Variants in DNAAF2 observed in about 807,000 individuals in gnomAD.
DNAAF2 encodes protein kintoun.
In DNAAF2, 58 loss-of-function variants were observed where a neutral mutation model predicts 48.8. The ratio of observed to expected loss-of-function variants is 1.19; its 90% CI spans 0.96 to 1.48. The LOEUF is 1.48. Ranked by LOEUF, DNAAF2 falls within the 40% of genes most tolerant of loss-of-function variation. The pLI is 0.00. For missense variants in DNAAF2, 1,241 were observed against 1,116.1 expected, an observed-to-expected ratio of 1.11 and a Z score of -1.59; for synonymous variants, 567 against 481.2, an observed-to-expected ratio of 1.18 and a Z score of -2.33.
Position 49,625,865 on chromosome 14 carries a change from C to G in DNAAF2, c.2191G>C (p.Glu731Gln), listed in dbSNP as rs777882844. The change falls in exon 3 of 3, where the codon GAG becomes CAG. Residue 731 changes from glutamate to glutamine, a missense_variant. Physicochemically the swap from Glu to Gln is conservative, Grantham distance 29. Transcript: ENST00000298292. ...SFGLVTCFQQ[E>Q]SLDVSQMILG... Reference sequence around the variant, plus strand: ...ATCATTTGAGAAACATCAAGAGACTCTTGTTGAAAGCATGTAACTAAACCA... The same window carrying G: ...ATCATTTGAGAAACATCAAGAGACTGTTGTTGAAAGCATGTAACTAAACCA... The G allele has an allele frequency of 2.5e-5, 41 of 1,612,258 alleles. No individual in the cohort carries two copies. The highest frequency in any genetic ancestry group is 1.7e-4 in the African/African-American group (13 of 74,842).
Position 49,634,596 on chromosome 14 carries a change from G to T in DNAAF2, c.554C>A (p.Ala185Asp). ...QFGVKLDRRN[A>D]KTLKAKYKGT... is the part of the protein sequence containing the mutation. ...CTTATACTTGGCCTTCAGGGTCTTG[G>T]CATTCCTGCGGTCCAGCTTCACGCC... The change falls in exon 1 of 3, where the codon GCC becomes GAC. Residue 185 changes from alanine (A) to aspartate (D), a missense_variant. Transcript: ENST00000298292. The T allele has an allele frequency of 6.2e-7, 1 of 1,606,274 alleles. No homozygotes were observed. The highest frequency in any genetic ancestry group is 8.5e-7 in the Non-Finnish European group (1 of 1,179,732).
At chr14:49,628,831 T>G (rs1883078634) in intron 1 of DNAAF2, among the ~76,000 whole-genome samples, 1 of 152,232 alleles carries the variant, frequency 6.6e-6, no homozygotes, top group Non-Finnish European at 1.5e-5. Flanking sequence ...TAATTCAGCT[T>G]TAAAACATTT....
chr14:49,634,189 A>G lies in DNAAF2; in HGVS notation c.961T>C (p.Ser321Pro). The change falls in exon 1 of 3, where the codon TCG becomes CCG. Residue 321 changes from serine (S) to proline (P), a missense_variant. Transcript: ENST00000298292. ...SRKPDYRLRL[S>P]LPYPVDDGRG... ...CCATCGTCCACTGGGTACGGGAGCGAGAGCCGCAGCCGGTAGTCAGGTTTC... is the reference window on the plus strand; with the variant it reads ...CCATCGTCCACTGGGTACGGGAGCGGGAGCCGCAGCCGGTAGTCAGGTTTC... 6.2e-7 allele frequency: 1 copy of G among 1,610,858 alleles called. No individual in the cohort carries two copies. Among genetic ancestry groups the G allele is most frequent in the Non-Finnish European group, 8.5e-7 (1 of 1,179,240 alleles).
rs900049390 is a variant in DNAAF2 at position 49,634,738 on chromosome 14, G to A, written c.412C>T (p.Arg138Cys). ...GREYAGRSSSRYMVYDVVFHP... is the reference protein window; with the variant it reads ...GREYAGRSSSCYMVYDVVFHP... ...AAGACCACGTCGTAGACCATGTAGC[G>A]GCTGCTGCTGCGCCCCGCGTACTCG... The change falls in exon 1 of 3, where the codon CGC becomes TGC. Residue 138 changes from arginine to cysteine, a missense_variant. By Grantham distance (180) the Arg-to-Cys change is radical. Coordinates refer to ENST00000298292, the MANE Select transcript of DNAAF2 (RefSeq NM_018139.3). 16 of 1,604,012 alleles carry A rather than the reference G, an allele frequency of 1.0e-5. No homozygotes were observed. The highest frequency in any genetic ancestry group is 1.4e-5 in the Non-Finnish European group (16 of 1,178,882).
At chr14:49,631,486 G>A (rs1180254555) in intron 1 of DNAAF2, among the ~76,000 whole-genome samples, 3 of 152,112 alleles carry the variant, frequency 2.0e-5, no homozygotes, top group South Asian at 2.1e-4. Flanking sequence ...TTAGCCTGGC[G>A]TGGTGGCAGG....
Position 49,633,393 on chromosome 14 carries a change from A to G in DNAAF2, c.1757T>C (p.Val586Ala). Residue 586 changes from valine (V) to alanine (A), a missense_variant, in exon 1 of 3, where the codon GTG (valine) becomes GCG (alanine). By Grantham distance (64) the Val-to-Ala change is moderately conservative. Transcript: ENST00000298292. ...PENKLSTTEP[V>A]ISISSNNAVI... Reference sequence around the variant, plus strand: ...TGCATTGTTTGAAGAAATGCTAATCACAGGTTCTGTGGTACTCAATTTATT... The same window carrying G: ...TGCATTGTTTGAAGAAATGCTAATCGCAGGTTCTGTGGTACTCAATTTATT... 6.2e-7 allele frequency: 1 copy of G among 1,614,066 alleles called. No individual in the cohort carries two copies. Among genetic ancestry groups the G allele is most frequent in the Non-Finnish European group, 8.5e-7 (1 of 1,179,906 alleles).
chr14:49,630,740 T>TCTACAC, intron 1 of DNAAF2, among the ~76,000 whole-genome samples: 1 of 136,876 alleles, frequency 7.3e-6, no homozygotes, highest in South Asian at 2.3e-4. Context: ...ACAAACTCTC[T>TCTACAC]ACACACACAC....
rs1037086952 is a variant in DNAAF2, at chr14:49,634,937, G to A, written c.213C>T (p.His71=). The part of the protein sequence containing the change: ...RERGVEVRFV[H]PEPGHVLRTS... ...TGCGCAGCACATGGCCGGGCTCCGG[G>A]TGCACGAACCGCACTTCCACCCCGC... Residue 71 remains histidine (H), a synonymous_variant, in exon 1 of 3, where the codon CAC becomes CAT. Coordinates refer to ENST00000298292, the MANE Select transcript of DNAAF2 (RefSeq NM_018139.3). The A allele has an allele frequency of 6.4e-7, 1 of 1,555,500 alleles. No homozygotes were observed. The highest frequency in any genetic ancestry group is 8.7e-7 in the Non-Finnish European group (1 of 1,149,560).
intron 2 of DNAAF2, among the ~76,000 whole-genome samples, chr14:49,626,838 C>G (rs1490268388): frequency 8.9e-6 from 1 of 112,142 alleles, no homozygotes; most frequent in Non-Finnish European, 1.7e-5. Context: ...TTGAGTCTGG[C>G]TCTGTCGCCC....
intron 1 of DNAAF2, among the ~76,000 whole-genome samples, chr14:49,631,499 CCT>C (rs1883163857): frequency 6.6e-6 from 1 of 152,088 alleles, no homozygotes; most frequent in Non-Finnish European, 1.5e-5. Context: ...GTGGCAGGTG[CCT>C]GTAGGCCCAG....
At position 49,634,259 on chromosome 14, in the gene DNAAF2, C is replaced by G; in HGVS notation, c.891G>C (p.Gln297His). Residue 297 changes from glutamine (Q) to histidine (H), a missense_variant, in exon 1 of 3, where the codon CAG (glutamine) becomes CAC (histidine). Transcript: ENST00000298292. ...IELPLLRSAE[Q>H]AALEVTRKLL... is the part of the protein sequence containing the mutation. ...GCTTTCTCGTTACCTCCAGCGCCGCCTGCTCGGCCGAGCGCAACAGCGGCA... is the reference window on the plus strand; with the variant it reads ...GCTTTCTCGTTACCTCCAGCGCCGCGTGCTCGGCCGAGCGCAACAGCGGCA... 6.2e-7 allele frequency: 1 copy of G among 1,612,346 alleles called. No individual in the cohort carries two copies. The highest frequency in any genetic ancestry group is 8.5e-7 in the Non-Finnish European group (1 of 1,179,794).
chr14:49,632,126 G>C (rs1307705095), intron 1 of DNAAF2, among the ~76,000 whole-genome samples: 1 of 152,146 alleles, frequency 6.6e-6, no homozygotes, highest in African/African-American at 2.4e-5. Flanking sequence ...TTAATTGCTT[G>C]TCTACAAAGT....
At chr14:49,627,981 ACTC>A in intron 2 of DNAAF2, 28 bp downstream of exon 2, 1 of 1,517,230 alleles carries the variant, frequency 6.6e-7, no homozygotes, top group Non-Finnish European at 8.8e-7. Context: ...GTGCTTCATT[ACTC>A]CTCTATAGAG....
rs1254584983 is a variant in DNAAF2, at chr14:49,625,176, A to G, written c.*366T>C. ...ATTACTTTGTGTGACAAACACAATTAGTGAATATTTTTAAATTTTATTAAT... is the reference window on the plus strand; with the variant it reads ...ATTACTTTGTGTGACAAACACAATTGGTGAATATTTTTAAATTTTATTAAT... On this transcript the variant is annotated 3_prime_UTR_variant, in exon 3 of 3. Transcript: ENST00000298292. 6.5e-6 allele frequency: 1 copy of G among 153,794 alleles called. No individual in the cohort carries two copies. Among genetic ancestry groups the G allele is most frequent in the African/African-American group, 2.4e-5 (1 of 41,500 alleles). 9.5% of individuals were successfully genotyped at this position (153,794 alleles called of 1,614,324 possible). A position where few individuals can be genotyped will look rare whatever the true frequency, so the allele number is the denominator to read the frequency against.
chr14:49,626,399 G>A (rs924144903), intron 2 of DNAAF2, among the ~76,000 whole-genome samples: 8 of 152,132 alleles, frequency 5.3e-5, no homozygotes, highest in Admixed American at 3.9e-4. Flanking sequence ...TGAGGCAGAA[G>A]AATCACTTGA....
chr14:49,634,959 C>G lies in DNAAF2; in HGVS notation c.191G>C (p.Gly64Ala), dbSNP rs1287479803. ...CGGGTGCACGAACCGCACTTCCACCCCGCGCTCACGCTCTAGCGCGGTGAT... is the reference window on the plus strand; with the variant it reads ...CGGGTGCACGAACCGCACTTCCACCGCGCGCTCACGCTCTAGCGCGGTGAT... ...AEITALERER[G>A]VEVRFVHPEP... The change falls in exon 1 of 3, where the codon GGG (glycine) becomes GCG (alanine). Residue 64 changes from glycine to alanine, a missense_variant. Gly to Ala is a moderately conservative substitution (Grantham distance 60). Coordinates refer to ENST00000298292, the MANE Select transcript of DNAAF2 (RefSeq NM_018139.3). 13 of 1,559,984 alleles carry G rather than the reference C, an allele frequency of 8.3e-6. No homozygotes were observed. The highest frequency in any genetic ancestry group is 1.1e-5 in the Non-Finnish European group (13 of 1,152,136).
In DNAAF2 at chr14:49,634,164, C is replaced by T. The variant is rs774079854; in HGVS notation, c.986G>A (p.Gly329Asp). The T allele has an allele frequency of 6.2e-7, 1 of 1,602,140 alleles. No homozygotes were observed. Among genetic ancestry groups the T allele is most frequent in the Non-Finnish European group, 8.5e-7 (1 of 1,175,446 alleles). ...CTTGTTGAATTGTGCCTTGCCGCGG[C>T]CATCGTCCACTGGGTACGGGAGCGA... The part of the protein sequence containing the change: ...RLSLPYPVDD[G>D]RGKAQFNKAR... Residue 329 changes from glycine (G) to aspartate (D), a missense_variant, in exon 1 of 3, where the codon GGC becomes GAC. Physicochemically the swap from Gly to Asp is moderately conservative, Grantham distance 94 (BLOSUM62 -1). Coordinates refer to ENST00000298292, the MANE Select transcript of DNAAF2 (RefSeq NM_018139.3).
chr14:49,628,924 C>T (rs749345116), intron 1 of DNAAF2, among the ~76,000 whole-genome samples: 2 of 152,040 alleles, frequency 1.3e-5, no homozygotes, highest in East Asian at 3.9e-4. Flanking sequence ...AGGTAAGAGC[C>T]AATTACAGTA....
At position 49,635,001 on chromosome 14, in the gene DNAAF2, C is replaced by A; in HGVS notation, c.149G>T (p.Arg50Leu). The A allele has an allele frequency of 1.3e-6, 2 of 1,566,428 alleles. No homozygotes were observed. The highest frequency in any genetic ancestry group is 2.4e-5 in the East Asian group (1 of 41,956). ...AEELTDPENR[R>L]RYEAEITALE... ...CGCGGTGATCTCCGCCTCGTAGCGC[C>A]GCCGGTTCTCCGGGTCGGTGAGCTC... The change falls in exon 1 of 3, where the codon CGG (arginine) becomes CTG (leucine). Residue 50 changes from arginine to leucine, a missense_variant. Physicochemically the swap from Arg to Leu is moderately radical, Grantham distance 102. Transcript: ENST00000298292.
Sources: gnomAD v4.1 joint callset for allele counts (sites outside exome capture counted in the v4.1 genomes callset) on GRCh38, gnomAD v4.1.1 for gene constraint, MANE v1.5 for transcripts, NCBI Gene and HGNC (gene_info 2026-07-23, HGNC 2026-07-21) for gene names.